RBFOX1: variants seen among roughly 807,000 people sequenced by gnomAD.
RBFOX1 encodes the protein RNA binding fox-1 homolog 1, also known as RNA binding protein fox-1 homolog 1.
RBFOX1 carries 8 observed loss-of-function variants against 57.7 expected under a neutral mutation model. The observed-to-expected ratio is 0.14, with a 90% CI of 0.08 to 0.25. RBFOX1 has a LOEUF of 0.25. RBFOX1 is among the 10% of genes least tolerant of loss of function. The pLI, the probability that RBFOX1 is intolerant of heterozygous loss-of-function variation, is 1.00. For synonymous variants in RBFOX1, 326 were observed against 222.4 expected (o/e 1.47, Z -4.15); for missense variants, 611 against 548.5 (o/e 1.11, Z -1.14).
intron 2 of RBFOX1, among the ~76,000 whole-genome samples, chr16:5,475,712 T>C (rs1200893039): frequency 6.6e-6 from 1 of 152,212 alleles, no homozygotes; most frequent in Non-Finnish European, 1.5e-5. Context: ...ATGGTGAAGG[T>C]GAGTCTTTGA....
chr16:5,589,103 C>T lies in RBFOX1; in HGVS notation c.259-9799C>T, dbSNP rs536359392. Among the ~76,000 whole-genome samples, 4 of 152,270 alleles carry T rather than the reference C, an allele frequency of 2.6e-5. No individual in the cohort carries two copies. The South Asian group carries it at 6.2e-4, about 24-fold the overall frequency. On this transcript the variant is annotated intron_variant, in intron 2 of 2. Transcript: ENST00000585867. The stretch of plus-strand genomic sequence containing the variant: ...TATGGAGTGGGGTGGGAAGAAACCG[C>T]CTCCTTATGGGAGATGTTGTAAAGA...
At chr16:5,922,769 T>G (rs1223344061) in intron 4 of RBFOX1, among the ~76,000 whole-genome samples, 1 of 152,252 alleles carries the variant, frequency 6.6e-6, no homozygotes, top group Admixed American at 6.5e-5. Flanking sequence ...TTTAATTACT[T>G]AAAGTAAATT....
At chr16:5,592,551 G>A (rs1276945079) in intron 2 of RBFOX1, among the ~76,000 whole-genome samples, 1 of 151,822 alleles carries the variant, frequency 6.6e-6, no homozygotes, top group South Asian at 2.1e-4. Flanking sequence ...CCGGTAGCTG[G>A]GATTACAGAC....
chr16:6,926,260 T>A (rs1349446012), intron 3 of RBFOX1, among the ~76,000 whole-genome samples: 1 of 151,976 alleles, frequency 6.6e-6, no homozygotes, highest in Admixed American at 6.6e-5. Context: ...TGAGCTGAGA[T>A]CACACCACTG....
At chr16:7,263,807 G>A (rs1398977886) in intron 4 of RBFOX1, among the ~76,000 whole-genome samples, 1 of 151,946 alleles carries the variant, frequency 6.6e-6, no homozygotes, top group Non-Finnish European at 1.5e-5. Flanking sequence ...GGCTGAGGCG[G>A]GAGAATCGCT....
intron 3 of RBFOX1, among the ~76,000 whole-genome samples, chr16:6,730,030 G>A (rs961716979): frequency 6.6e-6 from 1 of 152,038 alleles, no homozygotes; most frequent in South Asian, 2.1e-4. Context: ...GGAGAGCTTG[G>A]AAATAATCAT....
intron 4 of RBFOX1, among the ~76,000 whole-genome samples, chr16:5,894,110 T>C (rs182720468): frequency 3.2e-4 from 48 of 152,120 alleles, no homozygotes; most frequent in African/African-American, 1.1e-3. Context: ...GAGATATGCA[T>C]GGGGATGATT....
At chr16:5,290,965 A>T (rs1461337208) in intron 1 of RBFOX1, among the ~76,000 whole-genome samples, 10 of 152,094 alleles carry the variant, frequency 6.6e-5, no homozygotes, top group Admixed American at 3.9e-4. Flanking sequence ...TTCGCAAAGT[A>T]CTGGGATTAC....
chr16:7,684,023 A>C lies in RBFOX1; in HGVS notation c.995+7185A>C, dbSNP rs1039658111. On this transcript the variant is annotated intron_variant, in intron 14 of 15. Transcript: ENST00000550418. ...TATGGATGGTAGTATACTATCTTTC[A>C]AGATAAGATGAAATTTTTCAGTAAA... Among the ~76,000 whole-genome samples, 17 of 152,132 alleles carry C rather than the reference A, an allele frequency of 1.1e-4. 1 individual carries two copies. The highest frequency in any genetic ancestry group is 3.9e-4 in the African/African-American group (16 of 41,442).
intron 2 of RBFOX1, among the ~76,000 whole-genome samples, chr16:6,448,260 A>G (rs1235651740): frequency 7.1e-6 from 1 of 140,302 alleles, no homozygotes; most frequent in Non-Finnish European, 1.5e-5. Flanking sequence ...CCTGGGTTCA[A>G]GCAATTCTCC....
chr16:5,981,150 G>C (rs1328745231), intron 4 of RBFOX1, among the ~76,000 whole-genome samples: 1 of 152,176 alleles, frequency 6.6e-6, no homozygotes, highest in African/African-American at 2.4e-5. Context: ...TTAAGTAAAA[G>C]ACATTGGGTG....
At chr16:5,393,553 G>A (rs2066470687) in intron 1 of RBFOX1, among the ~76,000 whole-genome samples, 2 of 152,162 alleles carry the variant, frequency 1.3e-5, no homozygotes, top group South Asian at 2.1e-4. Flanking sequence ...TGAGGATTTT[G>A]TCCTGCTCAA....
chr16:6,676,138 ACGCG>A (rs796482455), intron 3 of RBFOX1, among the ~76,000 whole-genome samples: 476 of 28,058 alleles, frequency 0.017, 5 homozygotes, highest in African/African-American at 0.033. Context: ...ACACACACAC[ACGCG>A]CACACACACA....
intron 1 of RBFOX1, among the ~76,000 whole-genome samples, chr16:5,339,478 T>G (rs1051321540): frequency 4.0e-5 from 4 of 100,110 alleles, no homozygotes; most frequent in Admixed American, 3.1e-4. Context: ...GTGTTTTTTT[T>G]TTTTTTTTTT....
chr16:6,957,116 T>TTTTATTTATTTATTTGTTTATTTA (rs1555677708), intron 3 of RBFOX1, among the ~76,000 whole-genome samples: 6 of 139,244 alleles, frequency 4.3e-5, no homozygotes, highest in African/African-American at 1.7e-4. Context: ...TTATTTTTAT[T>TTTTATTTATTTATTTGTTTATTTA]TTTATTTATT....
rs141629182 is a variant in RBFOX1, at chr16:7,270,624, G to A, written c.27+218526G>A. The stretch of plus-strand genomic sequence containing the variant: ...AAGAAAATAGGTCTTAAAATTCAGT[G>A]TTTAAAATACTAAATCAGTTGCTAT... On this transcript the variant is annotated intron_variant, in intron 4 of 15. Transcript: ENST00000550418. Among the ~76,000 whole-genome samples the A allele has an allele frequency of 7.2e-5, 11 of 152,274 alleles. No individual in the cohort carries two copies. The East Asian group carries it at 2.1e-3, about 30-fold the overall frequency.
chr16:6,924,278 C>T (rs1239110981), intron 3 of RBFOX1, among the ~76,000 whole-genome samples: 3 of 152,120 alleles, frequency 2.0e-5, no homozygotes, highest in Non-Finnish European at 2.9e-5. Context: ...GCAGTTATGG[C>T]TCCAGCATCT....
At chr16:7,662,728 C>A (rs554769175) in intron 12 of RBFOX1, among the ~76,000 whole-genome samples, 3 of 152,332 alleles carry the variant, frequency 2.0e-5, no homozygotes, top group South Asian at 2.1e-4. Context: ...GGCACCGGGT[C>A]TCAAACATGG....
At chr16:7,227,467 A>ATT (rs530455037) in intron 4 of RBFOX1, among the ~76,000 whole-genome samples, 94 of 152,204 alleles carry the variant, frequency 6.2e-4, no homozygotes, top group African/African-American at 2.0e-3. Flanking sequence ...AAAGTATGCG[A>ATT]TTTTATTCAG....
Sources: allele counts gnomAD v4.1 joint callset (sites outside exome capture counted in the v4.1 genomes callset), GRCh38; gene constraint gnomAD v4.1.1; transcripts MANE v1.5; gene names NCBI Gene and HGNC (gene_info 2026-07-23, HGNC 2026-07-21).